The following NFIB variants were observed in gnomAD, a reference collection of about 807,000 sequenced individuals.
The protein encoded by NFIB is nuclear factor I B.
In NFIB, 11 loss-of-function variants were observed where a neutral mutation model predicts 61.5. The observed-to-expected ratio is 0.18, with a 90% confidence interval of 0.11 to 0.30. The LOEUF is 0.30. Ranked by LOEUF, NFIB falls within the 10% of genes least tolerant of loss-of-function variation. NFIB has a pLI of 1.00. For synonymous variants in NFIB, 260 were observed against 216.5 expected, an observed-to-expected ratio of 1.20 and a Z score of -1.76; for missense variants, 471 against 608.9, an observed-to-expected ratio of 0.77 and a Z score of 2.38.
chr9:14,448,386 C>T, the NFIB span, among the ~76,000 whole-genome samples: 1 of 151,722 alleles, frequency 6.6e-6, no homozygotes, highest in African/African-American at 2.4e-5. Flanking sequence ...TGATTGCATC[C>T]AAAAAAAATT....
chr9:14,450,762 C>CT, the NFIB span, among the ~76,000 whole-genome samples: 1 of 152,088 alleles, frequency 6.6e-6, no homozygotes, highest in Non-Finnish European at 1.5e-5. Flanking sequence ...AAAAACTGGG[C>CT]TTTGTTTTAT....
chr9:14,405,129 A>T, the NFIB span, among the ~76,000 whole-genome samples: 1 of 152,174 alleles, frequency 6.6e-6, no homozygotes, highest in African/African-American at 2.4e-5. Flanking sequence ...CTCCCACTGG[A>T]TTCTCCATAA....
At chr9:14,121,650 A>G (rs7018755) in intron 7 of NFIB, among the ~76,000 whole-genome samples, 40,454 of 152,136 alleles carry the variant, frequency 0.27, 6,258 homozygotes, top group African/African-American at 0.43. Flanking sequence ...AACTTTTACT[A>G]TATGTAGTTT....
chr9:14,489,098 A>G, the NFIB span, among the ~76,000 whole-genome samples: 1 of 152,228 alleles, frequency 6.6e-6, no homozygotes, highest in Non-Finnish European at 1.5e-5. Context: ...CTCCAGCGGA[A>G]AGAATACTCC....
intron 2 of NFIB, among the ~76,000 whole-genome samples, chr9:14,231,978 C>T (rs188189027): frequency 4.7e-4 from 71 of 152,320 alleles, no homozygotes; most frequent in African/African-American, 1.7e-3. Context: ...GGCTGAAAGA[C>T]TTGGGAAAGA....
At chr9:14,226,226 A>G (rs575921679) in intron 2 of NFIB, among the ~76,000 whole-genome samples, 3 of 152,178 alleles carry the variant, frequency 2.0e-5, no homozygotes, top group Non-Finnish European at 4.4e-5. Context: ...TTTTTTGGCT[A>G]AAGTCTATTA....
At chr9:14,519,502 G>A in the NFIB span, among the ~76,000 whole-genome samples, 1 of 152,146 alleles carries the variant, frequency 6.6e-6, no homozygotes, top group African/African-American at 2.4e-5. Context: ...CCTAGTAGTA[G>A]TTTCTGTTGT....
intron 1 of NFIB, among the ~76,000 whole-genome samples, chr9:14,381,056 A>G (rs2061482546): frequency 7.6e-6 from 1 of 131,862 alleles, no homozygotes; most frequent in Admixed American, 9.0e-5. Flanking sequence ...CCTGGGCAAC[A>G]GAGCGAGACT....
intron 10 of NFIB, among the ~76,000 whole-genome samples, chr9:14,107,467 G>A (rs534110410): frequency 3.9e-5 from 6 of 152,128 alleles, no homozygotes; most frequent in Admixed American, 3.3e-4. Context: ...CATAGTCCAT[G>A]AGCAGAATAA....
chr9:14,150,558 C>G (rs1251466242), intron 4 of NFIB, among the ~76,000 whole-genome samples: 1 of 152,100 alleles, frequency 6.6e-6, no homozygotes, highest in Non-Finnish European at 1.5e-5. Flanking sequence ...GACATTACAT[C>G]TGTCACTCTG....
intron 10 of NFIB, among the ~76,000 whole-genome samples, chr9:14,092,009 C>T (rs114171807): frequency 2.0e-5 from 3 of 151,996 alleles, no homozygotes; most frequent in Admixed American, 6.6e-5. Context: ...ATGGCTCCCC[C>T]CAAAAGGGAA....
chr9:14,116,354 A>G lies in NFIB; in HGVS notation c.1246-8T>C. The stretch of plus-strand genomic sequence containing the variant: ...TTGACCACTGCCGTTAGGCTACAAA[A>G]CAAAAACAGAATGCCGGGTGAAGCA... On this transcript the variant is annotated splice_polypyrimidine_tract_variant and splice_region_variant and intron_variant, in intron 8 of 10. Coordinates refer to ENST00000380953, the MANE Select transcript of NFIB (RefSeq NM_001190737.2). 1 of 1,494,386 alleles carries G rather than the reference A, an allele frequency of 6.7e-7. No homozygotes were observed. Among genetic ancestry groups the G allele is most frequent in the Non-Finnish European group, 8.9e-7 (1 of 1,118,188 alleles). The allele number at this position is 1,494,386 out of a possible 1,614,324, so 92.6% of individuals were successfully genotyped here. A position where few individuals can be genotyped will look rare whatever the true frequency, so the allele number is the denominator to read the frequency against.
At chr9:14,299,424 A>C (rs571982716) in intron 2 of NFIB, among the ~76,000 whole-genome samples, 3 of 152,378 alleles carry the variant, frequency 2.0e-5, no homozygotes, top group African/African-American at 7.2e-5. Context: ...TAAGTTGACT[A>C]TTTTGAGAAA....
At chr9:14,471,134 A>G in the NFIB span, among the ~76,000 whole-genome samples, 1 of 152,248 alleles carries the variant, frequency 6.6e-6, no homozygotes, top group East Asian at 1.9e-4. Context: ...ATACTGTGGA[A>G]ATGAAATATA....
chr9:14,315,739 C>A (rs1305416015), upstream of NFIB, among the ~76,000 whole-genome samples: 1 of 151,804 alleles, frequency 6.6e-6, no homozygotes, highest in Non-Finnish European at 1.5e-5. Flanking sequence ...TCTGCACCCC[C>A]CGCCCACATA....
the NFIB span, among the ~76,000 whole-genome samples, chr9:14,454,266 A>G: frequency 2.0e-5 from 3 of 152,212 alleles, no homozygotes; most frequent in East Asian, 5.8e-4. Context: ...CAAATGAGGA[A>G]AATGTATTAA....
At chr9:14,232,402 A>T (rs2053297546) in intron 2 of NFIB, among the ~76,000 whole-genome samples, 1 of 152,202 alleles carries the variant, frequency 6.6e-6, no homozygotes, top group African/African-American at 2.4e-5. Context: ...TGCAAAACGC[A>T]CCAAATGCAC....
At chr9:14,459,229 T>A in the NFIB span, among the ~76,000 whole-genome samples, 3 of 152,190 alleles carry the variant, frequency 2.0e-5, no homozygotes, top group African/African-American at 7.2e-5. Flanking sequence ...TACAACTATC[T>A]GATCTTTGAC....
intron 2 of NFIB, among the ~76,000 whole-genome samples, chr9:14,285,039 T>C (rs1031927205): frequency 1.3e-5 from 2 of 152,234 alleles, no homozygotes; most frequent in South Asian, 4.1e-4. Flanking sequence ...AAAGATTTGC[T>C]TGGAAATCAC....
Sources: gnomAD v4.1 joint callset for allele counts (sites outside exome capture counted in the v4.1 genomes callset) on GRCh38, gnomAD v4.1.1 for gene constraint, MANE v1.5 for transcripts, NCBI Gene and HGNC (gene_info 2026-07-23, HGNC 2026-07-21) for gene names.